Variants in FOXP2 observed in about 807,000 individuals in gnomAD.
FOXP2 encodes the protein forkhead box P2.
FOXP2 carries 12 observed loss-of-function variants against 115.8 expected under a neutral mutation model. The ratio of observed to expected loss-of-function variants is 0.10; its 90% CI spans 0.07 to 0.17. The LOEUF (loss-of-function observed/expected upper bound fraction) is 0.17, where lower values mean the gene tolerates loss of function less well. FOXP2 is among the 10% of genes least tolerant of loss of function. The pLI is 1.00. For missense variants in FOXP2, 629 were observed against 843.5 expected (o/e 0.75, Z 3.15); for synonymous variants, 328 against 297.7 (o/e 1.10, Z -1.05).
intron 15 of FOXP2, 116 bp downstream of exon 15, chr7:114,663,635 C>G (rs1807006724): frequency 2.5e-6 from 2 of 814,110 alleles, no homozygotes; most frequent in South Asian, 3.0e-5. Flanking sequence ...GTTTATCATC[C>G]AAGTTGTAGT....
intron 1 of FOXP2, among the ~76,000 whole-genome samples, chr7:114,115,508 C>G (rs1363559327): frequency 1.3e-5 from 2 of 152,098 alleles, no homozygotes; most frequent in Non-Finnish European, 2.9e-5. Context: ...ACACTGGCAT[C>G]TGTTCATTTC....
chr7:114,500,247 C>T (rs1797510689), intron 2 of FOXP2, among the ~76,000 whole-genome samples: 1 of 149,396 alleles, frequency 6.7e-6, no homozygotes, highest in Admixed American at 6.7e-5. Context: ...AATGTAACGT[C>T]AATAAAGATA....
chr7:114,624,347 A>G (rs1414826128), intron 3 of FOXP2, among the ~76,000 whole-genome samples: 3 of 151,932 alleles, frequency 2.0e-5, no homozygotes, highest in African/African-American at 4.8e-5. Context: ...AATTTTAAAC[A>G]AAGAATAAAA....
At chr7:114,223,907 A>AT (rs928525428) in intron 1 of FOXP2, among the ~76,000 whole-genome samples, 38 of 151,924 alleles carry the variant, frequency 2.5e-4, no homozygotes, top group African/African-American at 8.9e-4. Flanking sequence ...TTAGGAAAAT[A>AT]TTTTTTATCC....
chr7:114,464,102 G>T (rs1434380907), intron 2 of FOXP2, among the ~76,000 whole-genome samples: 3 of 152,150 alleles, frequency 2.0e-5, no homozygotes, highest in African/African-American at 7.2e-5. Flanking sequence ...TTATTCCCCT[G>T]TAAGTTGATA....
intron 2 of FOXP2, among the ~76,000 whole-genome samples, chr7:114,379,180 G>A (rs191420623): frequency 6.6e-6 from 1 of 152,244 alleles, no homozygotes; most frequent in Non-Finnish European, 1.5e-5. Flanking sequence ...TTGCTGGCTC[G>A]AATGCCTGGG....
At chr7:114,214,015 T>C (rs917986198) in intron 1 of FOXP2, among the ~76,000 whole-genome samples, 6 of 152,184 alleles carry the variant, frequency 3.9e-5, no homozygotes, top group African/African-American at 1.4e-4. Flanking sequence ...CTACCACAAA[T>C]TTCTGTAGGA....
chr7:114,332,365 C>T (rs1048375333), intron 2 of FOXP2, among the ~76,000 whole-genome samples: 5 of 151,992 alleles, frequency 3.3e-5, no homozygotes, highest in African/African-American at 7.2e-5. Flanking sequence ...TGTAACAAAC[C>T]GTGGTGATTT....
At chr7:114,351,555 T>TA (rs1791490592) in intron 2 of FOXP2, among the ~76,000 whole-genome samples, 1 of 152,102 alleles carries the variant, frequency 6.6e-6, no homozygotes, top group Admixed American at 6.6e-5. Flanking sequence ...ATAAGTATAC[T>TA]TTAAGTTTTA....
At chr7:114,549,668 T>C (rs992888824) in intron 3 of FOXP2, among the ~76,000 whole-genome samples, 3 of 152,206 alleles carry the variant, frequency 2.0e-5, no homozygotes. Context: ...ATCAGACCTC[T>C]CATAATAGGT....
At chr7:114,138,906 A>G (rs188938569) in intron 1 of FOXP2, among the ~76,000 whole-genome samples, 2 of 152,320 alleles carry the variant, frequency 1.3e-5, no homozygotes, top group Admixed American at 1.3e-4. Flanking sequence ...GGTAAAAACT[A>G]AGGAAATACG....
chr7:114,297,430 G>T, intron 2 of FOXP2: 1 of 517,188 alleles, frequency 1.9e-6, no homozygotes, highest in South Asian at 2.0e-5. Flanking sequence ...CAGAGCCATG[G>T]CTGCTGCTCT....
At chr7:114,281,529 C>T (rs1796336158) in intron 1 of FOXP2, among the ~76,000 whole-genome samples, 1 of 152,202 alleles carries the variant, frequency 6.6e-6, no homozygotes, top group Non-Finnish European at 1.5e-5. Flanking sequence ...CTACAACTAA[C>T]TGTCCCAGCA....
intron 2 of FOXP2, among the ~76,000 whole-genome samples, chr7:114,496,860 T>G (rs1797344475): frequency 6.6e-6 from 1 of 152,224 alleles, no homozygotes; most frequent in South Asian, 2.1e-4. Flanking sequence ...CTTGAAGGTT[T>G]TGTACTGTTT....
chr7:114,570,928 C>G, intron 3 of FOXP2: 1 of 1,508,418 alleles, frequency 6.6e-7, no homozygotes, highest in Non-Finnish European at 9.2e-7. Flanking sequence ...GGCACAAGGC[C>G]ATGGACCCAG....
intron 2 of FOXP2, among the ~76,000 whole-genome samples, chr7:114,305,011 C>T (rs1796979555): frequency 6.6e-6 from 1 of 151,912 alleles, no homozygotes; most frequent in East Asian, 1.9e-4. Flanking sequence ...CTGTATTATT[C>T]TAGATCTTTT....
At chr7:114,527,869 C>T (rs1203174478) in intron 2 of FOXP2, among the ~76,000 whole-genome samples, 1 of 152,040 alleles carries the variant, frequency 6.6e-6, no homozygotes, top group Non-Finnish European at 1.5e-5. Context: ...TTGTTTTGAA[C>T]TAACATGATT....
At chr7:114,293,493 G>C (rs1006724080) in intron 2 of FOXP2, among the ~76,000 whole-genome samples, 5 of 152,136 alleles carry the variant, frequency 3.3e-5, no homozygotes, top group African/African-American at 1.2e-4. Context: ...ACCACCCCTT[G>C]ATTCCTGAGC....
intron 1 of FOXP2, among the ~76,000 whole-genome samples, chr7:114,246,275 T>G (rs1358614033): frequency 1.3e-5 from 2 of 152,130 alleles, no homozygotes; most frequent in African/African-American, 4.8e-5. Flanking sequence ...CAAATACTTA[T>G]CTAGCTAAAT....
Sources: gnomAD v4.1 joint callset for allele counts (sites outside exome capture counted in the v4.1 genomes callset) on GRCh38, gnomAD v4.1.1 for gene constraint, MANE v1.5 for transcripts, NCBI Gene and HGNC (gene_info 2026-07-23, HGNC 2026-07-21) for gene names.